SLC14A2: variants seen among roughly 807,000 people sequenced by gnomAD.
SLC14A2 encodes the protein urea transporter 2.
In SLC14A2, 91 loss-of-function variants were observed where a neutral mutation model predicts 104.6. The observed-to-expected ratio is 0.87, with a 90% CI of 0.73 to 1.04. SLC14A2 has a LOEUF of 1.04. Ranked by LOEUF, SLC14A2 falls within the 50% of genes least tolerant of loss-of-function variation. SLC14A2 has a pLI of 0.00. For missense variants in SLC14A2, 1,189 were observed against 1,156.0 expected (o/e 1.03, Z -0.41); for synonymous variants, 476 against 466.4 (o/e 1.02, Z -0.27).
chr18:45,178,524 T>C, the SLC14A2 span, among the ~76,000 whole-genome samples: 1 of 152,106 alleles, frequency 6.6e-6, no homozygotes, highest in Non-Finnish European at 1.5e-5. Flanking sequence ...AAGATATAAA[T>C]ACCTCTGAGT....
intron 2 of SLC14A2, among the ~76,000 whole-genome samples, chr18:45,525,970 A>G (rs1487608591): frequency 1.3e-5 from 2 of 152,200 alleles, no homozygotes; most frequent in African/African-American, 4.8e-5. Context: ...TCAGTAGCTC[A>G]AAGGGTATTT....
At chr18:45,249,343 T>C (rs745921748) in intron 1 of SLC14A2, among the ~76,000 whole-genome samples, 7 of 151,866 alleles carry the variant, frequency 4.6e-5, no homozygotes, top group Non-Finnish European at 7.4e-5. Flanking sequence ...GCTAACTGTG[T>C]GTGTGTGCCT....
chr18:45,248,440 C>G (rs889140747), intron 1 of SLC14A2, among the ~76,000 whole-genome samples: 2 of 152,066 alleles, frequency 1.3e-5, no homozygotes, highest in Admixed American at 6.6e-5. Flanking sequence ...TTATTCTTAT[C>G]CCAGCATGAA....
intron 1 of SLC14A2, among the ~76,000 whole-genome samples, chr18:45,238,273 A>G (rs1045941611): frequency 3.3e-5 from 5 of 152,224 alleles, no homozygotes; most frequent in African/African-American, 1.2e-4. Context: ...AGCACTATAT[A>G]GGACACTGAG....
chr18:45,586,355 G>A (rs558366626), intron 2 of SLC14A2, among the ~76,000 whole-genome samples: 94 of 152,302 alleles, frequency 6.2e-4, no homozygotes, highest in Non-Finnish European at 1.0e-3. Flanking sequence ...TGAGGAGTGG[G>A]GGAGGAGAGG....
upstream of SLC14A2, among the ~76,000 whole-genome samples, chr18:45,208,602 G>A (rs1303838199): frequency 2.6e-5 from 4 of 152,192 alleles, no homozygotes; most frequent in African/African-American, 7.2e-5. Flanking sequence ...ATCAGAGTAA[G>A]CCTCGTTAGT....
chr18:45,301,702 A>G (rs943332525), intron 1 of SLC14A2, among the ~76,000 whole-genome samples: 1 of 152,230 alleles, frequency 6.6e-6, no homozygotes, highest in Non-Finnish European at 1.5e-5. Flanking sequence ...AACAGCTTCG[A>G]AAAAAGAAAA....
chr18:45,416,826 A>G (rs1024899), intron 1 of SLC14A2, among the ~76,000 whole-genome samples: 39,628 of 152,132 alleles, frequency 0.26, 5,670 homozygotes, highest in Admixed American at 0.41. Context: ...TCATTTGAAT[A>G]TATTTTATTA....
chr18:45,524,607 A>G (rs566551411), intron 2 of SLC14A2, among the ~76,000 whole-genome samples: 3 of 152,212 alleles, frequency 2.0e-5, no homozygotes, highest in Non-Finnish European at 4.4e-5. Context: ...CAGAAGGCCA[A>G]CAGATGACAC....
At chr18:45,614,886 C>T (rs1190068779), upstream of SLC14A2, 8 of 151,874 alleles carry the variant, frequency 5.3e-5, no homozygotes, top group East Asian at 1.5e-3. Flanking sequence ...CAACCTCCAC[C>T]TCCCAGGTTC....
Position 45,679,026 on chromosome 18 carries a change from T to G in SLC14A2, c.2562+2T>G. On this transcript the variant is annotated splice_donor_variant, in intron 19 of 19. Transcript: ENST00000255226. LOFTEE classifies it high-confidence loss of function. ...GCCCTGGCTAACATGTTATCTGTGGTGAGTCAACACAGGCTCAGAACGTGC... is the reference window on the plus strand; with the variant it reads ...GCCCTGGCTAACATGTTATCTGTGGGGAGTCAACACAGGCTCAGAACGTGC... 6.2e-7 allele frequency: 1 copy of G among 1,612,494 alleles called. No individual in the cohort carries two copies.
chr18:45,589,573 A>G (rs1273722797), intron 2 of SLC14A2, among the ~76,000 whole-genome samples: 7 of 152,126 alleles, frequency 4.6e-5, no homozygotes, highest in African/African-American at 1.4e-4. Flanking sequence ...GGGACTGTAC[A>G]TTCCAAAGAT....
At chr18:45,181,795 AAC>A in the SLC14A2 span, among the ~76,000 whole-genome samples, 1 of 142,064 alleles carries the variant, frequency 7.0e-6, no homozygotes, top group South Asian at 2.3e-4. Flanking sequence ...TTTACAGAAA[AAC>A]AGTTTACTTT....
chr18:45,673,723 C>T lies in SLC14A2; in HGVS notation c.2418C>T (p.Gly806=), dbSNP rs2046179372. The change falls in exon 18 of 20, where the codon GGC becomes GGT. Residue 806 remains glycine (G), a synonymous_variant. Coordinates refer to ENST00000255226, the MANE Select transcript of SLC14A2 (RefSeq NM_007163.4). ...IATPFDSIYF[G]LCGFNSTLAC... ...CGCCCTTTGACTCCATCTACTTCGG[C>T]CTGTGTGGCTTCAACAGCACCCTCG... The T allele has an allele frequency of 6.2e-6, 10 of 1,614,162 alleles. No individual in the cohort carries two copies. The highest frequency in any genetic ancestry group is 7.6e-6 in the Non-Finnish European group (9 of 1,180,012).
intron 19 of SLC14A2, among the ~76,000 whole-genome samples, chr18:45,680,836 T>C (rs562586044): frequency 6.6e-6 from 1 of 152,354 alleles, no homozygotes; most frequent in East Asian, 1.9e-4. Flanking sequence ...CTTTCCAATG[T>C]AGGACTCCAA....
chr18:45,668,692 C>A (rs372772225), intron 15 of SLC14A2, among the ~76,000 whole-genome samples: 1 of 152,220 alleles, frequency 6.6e-6, no homozygotes, highest in Admixed American at 6.5e-5. Flanking sequence ...CTTTATTATT[C>A]TTTTAAGATC....
chr18:45,484,460 T>C (rs965660049), intron 2 of SLC14A2, among the ~76,000 whole-genome samples: 1 of 152,222 alleles, frequency 6.6e-6, no homozygotes, highest in Non-Finnish European at 1.5e-5. Context: ...AAACTTTTAC[T>C]GGCATTCATA....
chr18:45,482,735 T>C (rs1486136574), intron 1 of SLC14A2: 1 of 152,172 alleles, frequency 6.6e-6, no homozygotes, highest in Non-Finnish European at 1.5e-5. Flanking sequence ...ATCCCAACAC[T>C]GTGATATTCA....
At chr18:45,452,807 G>T (rs910798222) in intron 1 of SLC14A2, among the ~76,000 whole-genome samples, 1 of 152,206 alleles carries the variant, frequency 6.6e-6, no homozygotes, top group African/African-American at 2.4e-5. Flanking sequence ...ACACGGCAAA[G>T]GCTAAGAGCT....
Sources: gnomAD v4.1 joint callset for allele counts (sites outside exome capture counted in the v4.1 genomes callset) on GRCh38, gnomAD v4.1.1 for gene constraint, MANE v1.5 for transcripts, NCBI Gene and HGNC (gene_info 2026-07-23, HGNC 2026-07-21) for gene names.